EIF3B: variants seen among roughly 807,000 people sequenced by gnomAD.
The protein encoded by EIF3B is eukaryotic translation initiation factor 3 subunit 9.
In EIF3B, 10 loss-of-function variants were observed where a neutral mutation model predicts 104.6. That is an observed-to-expected ratio of 0.10 (90% CI 0.06 to 0.16). The LOEUF (loss-of-function observed/expected upper bound fraction) is 0.16, where lower values mean the gene tolerates loss of function less well. EIF3B is among the 10% of genes least tolerant of loss of function. The probability of loss-of-function intolerance (pLI) is 1.00; values close to 1 mark genes in which losing one functional copy is unlikely to be tolerated. For synonymous variants in EIF3B, 542 were observed against 417.2 expected (o/e 1.30, Z -3.65); for missense variants, 1,014 against 1,087.9 (o/e 0.93, Z 0.96).
chr7:2,369,710 A>G (rs1780215192), intron 10 of EIF3B, 28 bp downstream of exon 10: 1 of 1,541,796 alleles, frequency 6.5e-7, no homozygotes, highest in Non-Finnish European at 8.8e-7. Flanking sequence ...GGAACTGACG[A>G]TTCCTTATCC....
intron 9 of EIF3B, among the ~76,000 whole-genome samples, chr7:2,367,763 C>T (rs1197701487): frequency 6.6e-6 from 1 of 150,944 alleles, no homozygotes; most frequent in African/African-American, 2.4e-5. Context: ...CCACCATGCC[C>T]AGCCTGTCAC....
At chr7:2,359,145 A>G (rs186368458) in intron 1 of EIF3B, among the ~76,000 whole-genome samples, 2 of 152,326 alleles carry the variant, frequency 1.3e-5, no homozygotes, top group African/African-American at 4.8e-5. Flanking sequence ...GTGTTTTTCA[A>G]AAAGGCTCTT....
Position 2,375,520 on chromosome 7 carries a change from G to C in EIF3B, c.2021G>C (p.Ser674Thr). Residue 674 changes from serine to threonine, a missense_variant, in exon 14 of 19, where the codon AGC becomes ACC. By Grantham distance (58) the Ser-to-Thr change is moderately conservative. Transcript: ENST00000360876. ...GTCGTCACCTCTGTGTCCTGGTGGAGCCATAAGGTGCAGGCCTGTGGGGCA... is the reference window on the plus strand; with the variant it reads ...GTCGTCACCTCTGTGTCCTGGTGGACCCATAAGGTGCAGGCCTGTGGGGCA... ...RYVVTSVSWWSHKVDNAYWLW... is the reference protein window; with the variant it reads ...RYVVTSVSWWTHKVDNAYWLW... 2 of 1,614,228 alleles carry C rather than the reference G, an allele frequency of 1.2e-6. No individual in the cohort carries two copies. The highest frequency in any genetic ancestry group is 1.7e-6 in the Non-Finnish European group (2 of 1,180,050).
chr7:2,361,414 G>GTTCT (rs531030606), intron 2 of EIF3B, among the ~76,000 whole-genome samples: 42 of 152,198 alleles, frequency 2.8e-4, no homozygotes, highest in African/African-American at 9.9e-4. Flanking sequence ...ATTCTCTGAG[G>GTTCT]TTCTTTCTTT....
intron 1 of EIF3B, among the ~76,000 whole-genome samples, chr7:2,359,570 A>G (rs1779626461): frequency 6.6e-6 from 1 of 152,202 alleles, no homozygotes. Context: ...AACGTCCGTT[A>G]TAATAAGCTG....
chr7:2,355,045 G>A lies in EIF3B; in HGVS notation c.124G>A (p.Ala42Thr). 8.3e-7 allele frequency: 1 copy of A among 1,210,586 alleles called. No homozygotes were observed. Among genetic ancestry groups the A allele is most frequent in the South Asian group, 4.0e-5 (1 of 24,962 alleles). 75.0% of individuals were successfully genotyped at this position (1,210,586 alleles called of 1,614,324 possible). Reference protein sequence around the residue: ...EGLLRPAGPGAPEAAGTEASS... With the variant: ...EGLLRPAGPGTPEAAGTEASS... ...GCTGCTGCGGCCCGCGGGGCCCGGC[G>A]CTCCGGAGGCCGCGGGGACCGAGGC... Residue 42 changes from alanine to threonine, a missense_variant, in exon 1 of 19, where the codon GCT (alanine) becomes ACT (threonine). Ala to Thr is a moderately conservative substitution (Grantham distance 58, BLOSUM62 0). Around this residue, in one of 4 missense-constraint regions of EIF3B, gnomAD observed 488 missense variants for 404.3 expected, o/e 1.21. Transcript: ENST00000360876.
intron 4 of EIF3B, 112 bp downstream of exon 4, chr7:2,363,239 G>T (rs1016626693): frequency 3.6e-5 from 41 of 1,124,498 alleles, no homozygotes; most frequent in Middle Eastern, 2.0e-4. Flanking sequence ...GATCGCTTAA[G>T]CCCAGGAATT....
chr7:2,366,237 C>T (rs1041000249), intron 6 of EIF3B, 80 bp from the exon 7 acceptor site: 22 of 1,448,072 alleles, frequency 1.5e-5, no homozygotes, highest in South Asian at 2.8e-5. Flanking sequence ...CGAGTTCTGA[C>T]GGCGTGTTCT....
chr7:2,368,581 A>G (rs1477154010), intron 9 of EIF3B, among the ~76,000 whole-genome samples: 1 of 152,224 alleles, frequency 6.6e-6, no homozygotes, highest in Non-Finnish European at 1.5e-5. Flanking sequence ...TGAATTTTCA[A>G]GGCCAGAGCC....
intron 1 of EIF3B, among the ~76,000 whole-genome samples, chr7:2,359,415 T>C (rs1413187537): frequency 6.6e-6 from 1 of 152,080 alleles, no homozygotes; most frequent in Non-Finnish European, 1.5e-5. Context: ...GCCTCTATAA[T>C]GAGATCTTCA....
At chr7:2,367,117 A>AAC in intron 9 of EIF3B, 72 bp downstream of exon 9, 1 of 1,337,482 alleles carries the variant, frequency 7.5e-7, no homozygotes, top group African/African-American at 1.5e-5. Flanking sequence ...AAAAAAAAAA[A>AAC]AACACAATAC....
intron 5 of EIF3B, 98 bp downstream of exon 5, chr7:2,363,858 G>C: frequency 8.7e-6 from 12 of 1,386,992 alleles, no homozygotes; most frequent in Non-Finnish European, 1.1e-5. Context: ...AAGAGCAGGT[G>C]ACGTTATATT....
intron 6 of EIF3B, among the ~76,000 whole-genome samples, chr7:2,365,755 A>C (rs1428984428): frequency 1.3e-5 from 2 of 149,836 alleles, no homozygotes; most frequent in Non-Finnish European, 3.0e-5. Flanking sequence ...AGTTCACTGC[A>C]ACCTCCACCT....
At chr7:2,367,158 T>G in intron 9 of EIF3B, 113 bp downstream of exon 9, 2 of 1,048,332 alleles carry the variant, frequency 1.9e-6, no homozygotes, top group Non-Finnish European at 2.8e-6. Flanking sequence ...ACAGCTGAGA[T>G]TTCTTTCTCC....
chr7:2,376,008 C>T (rs991773763), intron 14 of EIF3B: 1 of 156,722 alleles, frequency 6.4e-6, no homozygotes, highest in Non-Finnish European at 1.4e-5. Context: ...TAGTCCATGC[C>T]AATAGAGCCT....
intron 16 of EIF3B, 161 bp from the exon 17 acceptor site, chr7:2,378,973 G>A: frequency 1.3e-6 from 1 of 752,086 alleles, no homozygotes; most frequent in South Asian, 1.8e-5. Context: ...TTGTGGGTGG[G>A]GGGCAGCGTT....
chr7:2,375,202 C>T, intron 13 of EIF3B, 187 bp from the exon 14 acceptor site: 1 of 638,780 alleles, frequency 1.6e-6, no homozygotes, highest in Non-Finnish European at 2.8e-6. Context: ...ATGTAATACT[C>T]ACTGCACACT....
intron 10 of EIF3B, among the ~76,000 whole-genome samples, chr7:2,370,269 G>C (rs1235980303): frequency 1.3e-5 from 2 of 151,606 alleles, no homozygotes; most frequent in African/African-American, 4.8e-5. Context: ...GAGGTCAAGA[G>C]ATTGAGACCA....
In EIF3B at chr7:2,380,305, G is replaced by C. The variant is rs1198675270; in HGVS notation, c.*116G>C. 1.4e-5 allele frequency: 7 copies of C among 516,324 alleles called. No homozygotes were observed. The highest frequency in any genetic ancestry group is 3.9e-5 in the African/African-American group (2 of 51,936). The allele number at this position is 516,324 out of a possible 1,614,324, so 32.0% of individuals were successfully genotyped here. ...GCAGCCGTGTGTGCTGTGGAGCCGA[G>C]GCCGTCCTGCAGGAAGCCGCGTGAC... On this transcript the variant is annotated 3_prime_UTR_variant, in exon 19 of 19. Transcript: ENST00000360876.
Sources: allele counts gnomAD v4.1 joint callset (sites outside exome capture counted in the v4.1 genomes callset), GRCh38; gene constraint gnomAD v4.1.1; regional missense constraint gnomAD v4.1.1; transcripts MANE v1.5; gene names NCBI Gene and HGNC (gene_info 2026-07-23, HGNC 2026-07-21).